MAP3K1: variants seen among roughly 807,000 people sequenced by gnomAD.
MAP3K1 encodes mitogen-activated protein kinase kinase kinase 1, also known as MAP/ERK kinase kinase 1.
Under a neutral mutation model 144.2 loss-of-function variants are expected in MAP3K1, and 36 were observed. The ratio of observed to expected loss-of-function variants is 0.25; its 90% CI spans 0.19 to 0.33. The LOEUF (loss-of-function observed/expected upper bound fraction) is 0.33, where lower values mean the gene tolerates loss of function less well. MAP3K1 is among the 10% of genes least tolerant of loss of function. The probability of loss-of-function intolerance (pLI) is 1.00; values close to 1 mark genes in which losing one functional copy is unlikely to be tolerated. For synonymous variants in MAP3K1, 718 were observed against 688.7 expected (o/e 1.04, Z -0.67); for missense variants, 1,650 against 1,881.9 (o/e 0.88, Z 2.28).
At position 56,891,087 on chromosome 5, in the gene MAP3K1, T is replaced by C. The variant is rs185290490; in HGVS notation, c.4390-2444T>C. The stretch of plus-strand genomic sequence containing the variant: ...TCTCTTTTGTAGACATTTTAGAAAA[T>C]CTTAAGTCTGTGAATATATTGGCCT... On this transcript the variant is annotated intron_variant, in intron 19 of 19. Coordinates refer to ENST00000399503, the MANE Select transcript of MAP3K1 (RefSeq NM_005921.2). 2.3e-3 allele frequency among the ~76,000 whole-genome samples: 344 copies of C among 151,178 alleles called. 2 individuals are homozygous for C. Among genetic ancestry groups the C allele is most frequent in the African/African-American group, 7.9e-3 (322 of 40,988 alleles).
intron 1 of MAP3K1, among the ~76,000 whole-genome samples, chr5:56,837,566 C>T (rs1746691262): frequency 6.6e-6 from 1 of 152,188 alleles, no homozygotes; most frequent in South Asian, 2.1e-4. Flanking sequence ...ATTGGAAAGG[C>T]ATTGCTTCCT....
intron 6 of MAP3K1, among the ~76,000 whole-genome samples, chr5:56,866,582 A>G (rs1747681619): frequency 6.6e-6 from 1 of 152,182 alleles, no homozygotes; most frequent in Admixed American, 6.5e-5. Flanking sequence ...ATTTTTAAAA[A>G]TTAATCCACA....
Position 56,815,994 on chromosome 5 carries a change from G to T in MAP3K1, c.421G>T (p.Ala141Ser). The T allele has an allele frequency of 4.0e-6, 5 of 1,241,208 alleles. No homozygotes were observed. Among genetic ancestry groups the T allele is most frequent in the Non-Finnish European group, 5.0e-6 (5 of 994,242 alleles). 76.9% of individuals were successfully genotyped at this position (1,241,208 alleles called of 1,614,324 possible). Residue 141 changes from alanine (A) to serine (S), a missense_variant, in exon 1 of 20, where the codon GCC (alanine) becomes TCC (serine). By Grantham distance (99) the Ala-to-Ser change is moderately conservative. Coordinates refer to ENST00000399503, the MANE Select transcript of MAP3K1 (RefSeq NM_005921.2). The stretch of plus-strand genomic sequence containing the variant: ...CAGCGGCGCCTCGAGTCCCGCAGCG[G>T]CCGAGCCCGGGGAGAAGCGGGCGCC... Reference protein sequence around the residue: ...PDSGASSPAAAEPGEKRAPAA... With the variant: ...PDSGASSPAASEPGEKRAPAA...
chr5:56,817,130 G>T (rs938989923), intron 1 of MAP3K1: 4 of 984,672 alleles, frequency 4.1e-6, no homozygotes, highest in Non-Finnish European at 4.8e-6. Flanking sequence ...ATTTAGACCA[G>T]CGGTTTATTG....
intron 14 of MAP3K1, 79 bp downstream of exon 14, chr5:56,882,945 TG>T (rs1579780797): frequency 8.7e-7 from 1 of 1,150,508 alleles, no homozygotes; most frequent in Non-Finnish European, 1.3e-6. Context: ...TTCCAGCACT[TG>T]GGGAGGCTGA....
intron 1 of MAP3K1, among the ~76,000 whole-genome samples, chr5:56,838,178 A>G (rs1219012712): frequency 3.3e-5 from 5 of 152,204 alleles, no homozygotes; most frequent in Admixed American, 1.3e-4. Context: ...TGTTGTTTTA[A>G]AAAGAATATT....
chr5:56,866,468 AGT>A (rs902892657), intron 6 of MAP3K1, among the ~76,000 whole-genome samples: 7 of 151,896 alleles, frequency 4.6e-5, no homozygotes, highest in Non-Finnish European at 8.8e-5. Flanking sequence ...AGGTCATGTG[AGT>A]GTGTGTGTGT....
chr5:56,817,802 T>C (rs1746024990), intron 1 of MAP3K1, among the ~76,000 whole-genome samples: 1 of 152,222 alleles, frequency 6.6e-6, no homozygotes, highest in Admixed American at 6.5e-5. Context: ...ATTCTAGTAC[T>C]CTTAATGAGC....
In MAP3K1 at chr5:56,882,501, A is replaced by G. The variant is rs1213722404; in HGVS notation, c.3301A>G (p.Ser1101Gly). The G allele has an allele frequency of 9.9e-6, 16 of 1,614,028 alleles. No individual in the cohort carries two copies. The highest frequency in any genetic ancestry group is 1.4e-5 in the Non-Finnish European group (16 of 1,180,006). Residue 1101 changes from serine to glycine, a missense_variant, in exon 14 of 20, where the codon AGT becomes GGT. By Grantham distance (56) the Ser-to-Gly change is moderately conservative. Transcript: ENST00000399503. ...TGACAGCTTTGGCTGTAGCAGCAAT[A>G]GTAGTAATGCTGTTATACCCAGTGA... ...CDDSFGCSSN[S>G]SNAVIPSDET...
At chr5:56,887,752 A>C (rs1484741990) in intron 18 of MAP3K1, 1 of 531,046 alleles carries the variant, frequency 1.9e-6, no homozygotes, top group Non-Finnish European at 3.4e-6. Context: ...TGTTACTAAT[A>C]AAGAATTCTG....
chr5:56,817,920 A>G (rs1257883374), intron 1 of MAP3K1, among the ~76,000 whole-genome samples: 1 of 152,232 alleles, frequency 6.6e-6, no homozygotes, highest in Non-Finnish European at 1.5e-5. Flanking sequence ...GATAGAATTT[A>G]GGGACTAAGT....
intron 1 of MAP3K1, among the ~76,000 whole-genome samples, chr5:56,835,571 C>T (rs755331825): frequency 1.3e-5 from 2 of 151,646 alleles, no homozygotes; most frequent in Non-Finnish European, 2.9e-5. Flanking sequence ...GGGAGTGGGA[C>T]GTACTTTACT....
At chr5:56,844,183 G>GTTTTTTTTTTTTTTTTTT (rs770169813) in intron 1 of MAP3K1, among the ~76,000 whole-genome samples, 3 of 76,092 alleles carry the variant, frequency 3.9e-5, no homozygotes, top group Non-Finnish European at 4.6e-5. Context: ...GTTTTTTTTG[G>GTTTTTTTTTTTTTTTTTT]TTTTTTTTTT....
chr5:56,846,755 A>G (rs889984017), intron 1 of MAP3K1, among the ~76,000 whole-genome samples: 1 of 152,226 alleles, frequency 6.6e-6, no homozygotes, highest in African/African-American at 2.4e-5. Flanking sequence ...TTGACCTGTC[A>G]GTGCTCATGA....
chr5:56,879,654 A>G (rs1748147339), intron 11 of MAP3K1, among the ~76,000 whole-genome samples: 3 of 152,196 alleles, frequency 2.0e-5, no homozygotes, highest in Admixed American at 2.0e-4. Context: ...AAAAATATGA[A>G]GTAGAGAATT....
At chr5:56,846,606 A>C (rs1371692508) in intron 1 of MAP3K1, among the ~76,000 whole-genome samples, 1 of 152,216 alleles carries the variant, frequency 6.6e-6, no homozygotes, top group East Asian at 1.9e-4. Flanking sequence ...TACCAATTTT[A>C]AGAGTCACTG....
Position 56,875,442 on chromosome 5 carries a change from T to C in MAP3K1, c.1965+132T>C, listed in dbSNP as rs977919792. 16 of 919,216 alleles carry C rather than the reference T, an allele frequency of 1.7e-5. No individual in the cohort carries two copies. In the East Asian group the frequency reaches 3.9e-4, roughly 23 times the overall value. 56.9% of individuals were successfully genotyped at this position (919,216 alleles called of 1,614,324 possible). A position where few individuals can be genotyped will look rare whatever the true frequency, so the allele number is the denominator to read the frequency against. On this transcript the variant is annotated intron_variant, in intron 10 of 19. Transcript: ENST00000399503. ...AAATCCAAATTTTATTTTTATTCCA[T>C]AATTCCAGGAAATTACAGCTTTTGT...
At chr5:56,860,464 A>G (rs928726876) in intron 3 of MAP3K1, among the ~76,000 whole-genome samples, 10 of 152,228 alleles carry the variant, frequency 6.6e-5, no homozygotes, top group African/African-American at 2.2e-4. Flanking sequence ...TTCATGGAAC[A>G]TGAAATGAGT....
At chr5:56,862,470 C>T (rs1227122615) in intron 3 of MAP3K1, among the ~76,000 whole-genome samples, 2 of 152,142 alleles carry the variant, frequency 1.3e-5, no homozygotes, top group African/African-American at 4.8e-5. Flanking sequence ...GAACTGTCTT[C>T]CTTCCCCACA....
Sources: gnomAD v4.1 joint callset for allele counts (sites outside exome capture counted in the v4.1 genomes callset) on GRCh38, gnomAD v4.1.1 for gene constraint, MANE v1.5 for transcripts, NCBI Gene and HGNC (gene_info 2026-07-23, HGNC 2026-07-21) for gene names.